CCDC141: variants seen among roughly 807,000 people sequenced by gnomAD.
CCDC141 encodes the protein coiled-coil domain containing 141.
CCDC141 carries 168 observed loss-of-function variants against 181.0 expected under a neutral mutation model. That is an observed-to-expected ratio of 0.93 (90% CI 0.82 to 1.05). The LOEUF (loss-of-function observed/expected upper bound fraction) is 1.05, where lower values mean the gene tolerates loss of function less well. CCDC141 is among the 50% of genes least tolerant of loss of function. The pLI, the probability that CCDC141 is intolerant of heterozygous loss-of-function variation, is 0.00. For synonymous variants in CCDC141, 666 were observed against 642.3 expected, an observed-to-expected ratio of 1.04 and a Z score of -0.56; for missense variants, 1,902 against 1,788.5, an observed-to-expected ratio of 1.06 and a Z score of -1.14.
At chr2:178,826,925 T>G (rs916125060), downstream of CCDC141, among the ~76,000 whole-genome samples, 3 of 152,078 alleles carry the variant, frequency 2.0e-5, no homozygotes, top group Non-Finnish European at 4.4e-5. Flanking sequence ...CCACTTTTCT[T>G]TCTCTAGTTT....
intron 4 of CCDC141, among the ~76,000 whole-genome samples, chr2:178,965,978 A>G (rs1690611190): frequency 6.6e-6 from 1 of 152,198 alleles, no homozygotes; most frequent in Non-Finnish European, 1.5e-5. Flanking sequence ...AGGCAGTTTT[A>G]CAATCACAGT....
At chr2:178,955,258 C>T (rs1034594902) in intron 5 of CCDC141, among the ~76,000 whole-genome samples, 1 of 151,956 alleles carries the variant, frequency 6.6e-6, no homozygotes, top group Non-Finnish European at 1.5e-5. Context: ...GCACTCCAGC[C>T]TGGGTGACAG....
At chr2:178,962,063 G>T (rs1228821211) in intron 4 of CCDC141, among the ~76,000 whole-genome samples, 1 of 152,070 alleles carries the variant, frequency 6.6e-6, no homozygotes, top group African/African-American at 2.4e-5. Flanking sequence ...TTATATGAAA[G>T]TTCTGACTTC....
At chr2:178,918,324 C>T (rs1405011275) in intron 7 of CCDC141, among the ~76,000 whole-genome samples, 2 of 152,070 alleles carry the variant, frequency 1.3e-5, no homozygotes, top group African/African-American at 4.8e-5. Context: ...GGGACAATCA[C>T]TTGAGTCCAG....
intron 6 of CCDC141, among the ~76,000 whole-genome samples, chr2:178,934,403 G>T (rs1689208598): frequency 6.6e-6 from 1 of 152,098 alleles, no homozygotes; most frequent in African/African-American, 2.4e-5. Flanking sequence ...GGGGCATCAA[G>T]TTGATTTATA....
At chr2:178,986,425 G>C (rs969409725) in intron 2 of CCDC141, among the ~76,000 whole-genome samples, 145 of 152,210 alleles carry the variant, frequency 9.5e-4, no homozygotes, top group African/African-American at 2.8e-3. Context: ...GATGCCCTCT[G>C]TCACCACTCC....
At chr2:178,971,612 A>C (rs1026378050) in intron 4 of CCDC141, among the ~76,000 whole-genome samples, 9 of 152,236 alleles carry the variant, frequency 5.9e-5, no homozygotes, top group African/African-American at 1.9e-4. Flanking sequence ...CTATGAAGAC[A>C]CATGCACATG....
At chr2:178,879,357 C>T (rs1036916444) in intron 11 of CCDC141, among the ~76,000 whole-genome samples, 2 of 152,190 alleles carry the variant, frequency 1.3e-5, no homozygotes, top group African/African-American at 2.4e-5. Context: ...AAGATTTTCA[C>T]ATTTTTCTTA....
intron 5 of CCDC141, among the ~76,000 whole-genome samples, chr2:178,947,891 A>C (rs1689797217): frequency 6.6e-6 from 1 of 152,142 alleles, no homozygotes; most frequent in Non-Finnish European, 1.5e-5. Context: ...ATATAATGAA[A>C]ATATCTCATT....
intron 6 of CCDC141, among the ~76,000 whole-genome samples, chr2:178,937,178 G>C (rs1689325750): frequency 6.6e-6 from 1 of 152,090 alleles, no homozygotes; most frequent in Admixed American, 6.6e-5. Flanking sequence ...CAGTTTTCAA[G>C]GGAAAGGCTT....
chr2:178,959,167 T>A (rs1379858241), intron 5 of CCDC141, among the ~76,000 whole-genome samples: 2 of 151,702 alleles, frequency 1.3e-5, no homozygotes, highest in South Asian at 2.1e-4. Flanking sequence ...GGGGGAGGGA[T>A]AGCATTAGGA....
At chr2:178,909,055 A>T (rs1032350094) in intron 7 of CCDC141, among the ~76,000 whole-genome samples, 1 of 152,166 alleles carries the variant, frequency 6.6e-6, no homozygotes, top group Admixed American at 6.5e-5. Flanking sequence ...GCCACTCTCA[A>T]ATCCTCAGGC....
intron 7 of CCDC141, among the ~76,000 whole-genome samples, chr2:178,911,681 T>C (rs78123462): frequency 0.062 from 9,386 of 152,288 alleles, 409 homozygotes; most frequent in Non-Finnish European, 0.092. Flanking sequence ...AAATGTAAAT[T>C]GATTTGTCAC....
At chr2:178,900,141 A>C (rs149438065) in intron 8 of CCDC141, among the ~76,000 whole-genome samples, 10 of 152,318 alleles carry the variant, frequency 6.6e-5, no homozygotes, top group African/African-American at 2.4e-4. Context: ...AATACCTTGG[A>C]ACTACAATGT....
chr2:179,007,534 T>G (rs1045399315), intron 2 of CCDC141, among the ~76,000 whole-genome samples: 1 of 152,188 alleles, frequency 6.6e-6, no homozygotes, highest in Non-Finnish European at 1.5e-5. Flanking sequence ...AGATCAGCTC[T>G]GTTTCCCCAA....
chr2:178,845,798 C>A, intron 21 of CCDC141, 56 bp from the exon 22 acceptor site: 1 of 955,688 alleles, frequency 1.0e-6, no homozygotes, highest in East Asian at 2.4e-5. Flanking sequence ...AGAACAGTGC[C>A]ATACACTAAC....
intron 2 of CCDC141, among the ~76,000 whole-genome samples, chr2:179,033,646 T>A (rs1262971451): frequency 1.3e-5 from 2 of 152,212 alleles, no homozygotes; most frequent in Admixed American, 6.5e-5. Flanking sequence ...GTCAGAGTTT[T>A]GTCCTGTCTG....
At chr2:179,041,955 C>G (rs2043320014) in intron 2 of CCDC141, among the ~76,000 whole-genome samples, 1 of 152,158 alleles carries the variant, frequency 6.6e-6, no homozygotes, top group Non-Finnish European at 1.5e-5. Context: ...ATCCCCCACA[C>G]AATAGTCGTG....
chr2:178,886,287 G>A (rs747826580), intron 10 of CCDC141, among the ~76,000 whole-genome samples: 3 of 152,092 alleles, frequency 2.0e-5, no homozygotes, highest in Non-Finnish European at 4.4e-5. Context: ...GTGCTGTGGT[G>A]GGGGTGGGGC....
Sources: allele counts gnomAD v4.1 joint callset (sites outside exome capture counted in the v4.1 genomes callset), GRCh38; gene constraint gnomAD v4.1.1; transcripts MANE v1.5; gene names NCBI Gene and HGNC (gene_info 2026-07-23, HGNC 2026-07-21).